The following SNX13 variants were observed in gnomAD, a reference collection of about 807,000 sequenced individuals.
SNX13 encodes the protein sorting nexin 13.
A neutral mutation model predicts 133.6 loss-of-function variants in SNX13; 45 were observed. The ratio of observed to expected loss-of-function variants is 0.34; its 90% CI spans 0.27 to 0.43. The LOEUF (loss-of-function observed/expected upper bound fraction) is 0.43. SNX13 is among the 20% of genes least tolerant of loss of function. SNX13 has a pLI of 1.00. For missense variants in SNX13, 1,032 were observed against 1,145.1 expected (o/e 0.90, Z 1.43); for synonymous variants, 414 against 373.9 (o/e 1.11, Z -1.24).
chr7:17,860,268 T>C (rs938949407), intron 9 of SNX13, among the ~76,000 whole-genome samples: 3 of 152,204 alleles, frequency 2.0e-5, no homozygotes, highest in Non-Finnish European at 4.4e-5. Flanking sequence ...CTTTTCATAT[T>C]ACTGTTGGCC....
chr7:17,871,151 G>A (rs1026510099), intron 8 of SNX13, among the ~76,000 whole-genome samples: 14 of 151,898 alleles, frequency 9.2e-5, no homozygotes, highest in South Asian at 4.2e-4. Context: ...GATGACAGGC[G>A]CCTGCCACCA....
chr7:17,909,836 A>C (rs913566916), intron 1 of SNX13, among the ~76,000 whole-genome samples: 2 of 152,214 alleles, frequency 1.3e-5, no homozygotes, highest in Admixed American at 1.3e-4. Flanking sequence ...CTATGTAACA[A>C]ATCTGCACAT....
At chr7:17,885,148 T>C (rs544693667) in intron 5 of SNX13, among the ~76,000 whole-genome samples, 1 of 152,300 alleles carries the variant, frequency 6.6e-6, no homozygotes, top group South Asian at 2.1e-4. Flanking sequence ...AACGGAATAT[T>C]ATTCAGCAAT....
intron 20 of SNX13, among the ~76,000 whole-genome samples, chr7:17,812,249 C>T (rs1005439730): frequency 6.6e-6 from 1 of 152,002 alleles, no homozygotes; most frequent in African/African-American, 2.4e-5. Context: ...GCAATCTATC[C>T]ATCTGACAAA....
At chr7:17,822,110 C>T (rs13234451) in intron 17 of SNX13, among the ~76,000 whole-genome samples, 2,379 of 152,228 alleles carry the variant, frequency 0.016, 31 homozygotes, top group Non-Finnish European at 0.025. Context: ...TTCAACTAAA[C>T]AGCAACAGCC....
intron 1 of SNX13, among the ~76,000 whole-genome samples, chr7:17,935,410 T>G (rs572492150): frequency 6.6e-6 from 1 of 152,178 alleles, no homozygotes; most frequent in East Asian, 1.9e-4. Context: ...AAGTTTCAGA[T>G]AGATAGAAGG....
At chr7:17,914,445 C>T (rs1799329667) in intron 1 of SNX13, among the ~76,000 whole-genome samples, 1 of 152,004 alleles carries the variant, frequency 6.6e-6, no homozygotes, top group African/African-American at 2.4e-5. Flanking sequence ...ATCAGACCAT[C>T]CAAAATAGAA....
At chr7:17,898,987 GA>G (rs1797525214) in intron 1 of SNX13, 1 of 152,104 alleles carries the variant, frequency 6.6e-6, no homozygotes, top group African/African-American at 2.4e-5. Flanking sequence ...AATCAGGGGG[GA>G]ATACTATTTC....
At chr7:17,851,098 T>C (rs1791147998) in intron 9 of SNX13, 134 bp from the exon 10 acceptor site, 1 of 839,336 alleles carries the variant, frequency 1.2e-6, no homozygotes, top group Non-Finnish European at 1.8e-6. Context: ...AAAAAAGTTC[T>C]ATATTTGGGC....
At chr7:17,885,822 T>G (rs897517070) in intron 5 of SNX13, among the ~76,000 whole-genome samples, 2 of 152,164 alleles carry the variant, frequency 1.3e-5, no homozygotes, top group Non-Finnish European at 2.9e-5. Context: ...AACAAGAGTC[T>G]GCCTCAAAAC....
intron 1 of SNX13, among the ~76,000 whole-genome samples, chr7:17,932,884 A>G (rs141754265): frequency 1.7e-3 from 266 of 152,288 alleles, no homozygotes; most frequent in African/African-American, 6.0e-3. Flanking sequence ...TATTCTGACA[A>G]AAGACCTCAA....
At position 17,799,611 on chromosome 7, in the gene SNX13, T is replaced by C. The variant is rs185721034; in HGVS notation, c.2299-457A>G. On this transcript the variant is annotated intron_variant, in intron 22 of 25. Coordinates refer to ENST00000428135, the MANE Select transcript of SNX13 (RefSeq NM_015132.5). ...TAATGTATTTTGCTTAGTTAGTAAA[T>C]TGTATGTATTTATGTACTTTCAGGA... 5.2e-3 allele frequency among the ~76,000 whole-genome samples: 790 copies of C among 151,928 alleles called. 5 individuals carry two copies. The highest frequency in any genetic ancestry group is 8.0e-3 in the Non-Finnish European group (539 of 67,740).
chr7:17,873,460 A>AC (rs5882635), intron 8 of SNX13, 68 bp downstream of exon 8: 1,032,992 of 1,033,336 alleles, frequency 1, 516,327 homozygotes, highest in Admixed American at 1. Flanking sequence ...GGGTCTTAAG[A>AC]CAAAAATTTT....
intron 8 of SNX13, among the ~76,000 whole-genome samples, chr7:17,873,250 T>G (rs1171188660): frequency 6.6e-6 from 1 of 152,202 alleles, no homozygotes; most frequent in Non-Finnish European, 1.5e-5. Context: ...CTTTTCACTC[T>G]TGTTCTTTCA....
intron 21 of SNX13, 122 bp downstream of exon 21, chr7:17,803,297 T>C: frequency 3.6e-6 from 3 of 833,544 alleles, no homozygotes; most frequent in South Asian, 2.8e-5. Context: ...TGAGACTATG[T>C]GTCTAGCAAT....
At chr7:17,914,549 G>A (rs542853614) in intron 1 of SNX13, among the ~76,000 whole-genome samples, 1 of 152,118 alleles carries the variant, frequency 6.6e-6, no homozygotes, top group South Asian at 2.1e-4. Flanking sequence ...AATTTTACAA[G>A]CCAGAAGAGA....
rs529004124 is a variant in SNX13 at position 17,838,636 on chromosome 7, C to T, written c.1359+1171G>A. 7.9e-5 allele frequency among the ~76,000 whole-genome samples: 12 copies of T among 151,974 alleles called. No individual in the cohort carries two copies. In the East Asian group the frequency reaches 2.3e-3, roughly 29 times the overall value. ...TTCTAAGCACTAAGTAGCTGCATCTCATGAATTGATACAATGCATTTTCAT... is the reference window on the plus strand; with the variant it reads ...TTCTAAGCACTAAGTAGCTGCATCTTATGAATTGATACAATGCATTTTCAT... On this transcript the variant is annotated intron_variant, in intron 13 of 25. Transcript: ENST00000428135.
chr7:17,856,991 GT>G (rs1466253032), intron 9 of SNX13, among the ~76,000 whole-genome samples: 3 of 151,664 alleles, frequency 2.0e-5, no homozygotes, highest in African/African-American at 7.3e-5. Flanking sequence ...AGCAATAAAT[GT>G]TTACGCTAGA....
chr7:17,822,443 A>C (rs903512984), intron 17 of SNX13, among the ~76,000 whole-genome samples: 7 of 152,098 alleles, frequency 4.6e-5, no homozygotes. Flanking sequence ...TTCTTAATCC[A>C]TTCTCTGACC....
Sources: allele counts gnomAD v4.1 joint callset (sites outside exome capture counted in the v4.1 genomes callset), GRCh38; gene constraint gnomAD v4.1.1; transcripts MANE v1.5; gene names NCBI Gene and HGNC (gene_info 2026-07-23, HGNC 2026-07-21).